The following SEC31A variants were observed in gnomAD, a reference collection of about 807,000 sequenced individuals.
The protein encoded by SEC31A is SEC31 homolog A, COPII component, also known as protein transport protein Sec31A.
SEC31A carries 70 observed loss-of-function variants against 151.0 expected under a neutral mutation model. That is an observed-to-expected ratio of 0.46 (90% CI 0.38 to 0.57). The LOEUF (loss-of-function observed/expected upper bound fraction) is 0.57. Among genes scored for constraint, SEC31A ranks in the 20% least tolerant of loss-of-function variants. The pLI is 0.00. For missense variants in SEC31A, 1,330 were observed against 1,471.2 expected (o/e 0.90, Z 1.57); for synonymous variants, 475 against 505.9 (o/e 0.94, Z 0.82).
At chr4:82,833,508 G>C (rs1372902647) in intron 22 of SEC31A, among the ~76,000 whole-genome samples, 3 of 144,824 alleles carry the variant, frequency 2.1e-5, no homozygotes, top group Non-Finnish European at 4.5e-5. Context: ...TAACAAAACT[G>C]CATGTAACCC....
chr4:82,863,861 A>T (rs1483193360), intron 11 of SEC31A, among the ~76,000 whole-genome samples: 1 of 152,154 alleles, frequency 6.6e-6, no homozygotes, highest in Non-Finnish European at 1.5e-5. Context: ...TTGAAAAACC[A>T]GTACCGTATA....
intron 8 of SEC31A, 116 bp downstream of exon 8, chr4:82,870,209 G>A (rs1439217016): frequency 1.5e-5 from 11 of 721,148 alleles, no homozygotes; most frequent in South Asian, 4.1e-5. Context: ...GCACACACAC[G>A]TCCACATACT....
chr4:82,820,767 T>C (rs1430025514), intron 26 of SEC31A, among the ~76,000 whole-genome samples: 1 of 152,216 alleles, frequency 6.6e-6, no homozygotes, highest in Non-Finnish European at 1.5e-5. Flanking sequence ...AGCTACCTTA[T>C]GGCCAACACA....
intron 1 of SEC31A, among the ~76,000 whole-genome samples, chr4:82,887,388 G>GAGAAAAGAAAAGAAAAGAAAAGAAA (rs58208029): frequency 6.6e-6 from 1 of 150,804 alleles, no homozygotes; most frequent in Non-Finnish European, 1.5e-5. Context: ...AGAAAACATT[G>GAGAAAAGAAAAGAAAAGAAAAGAAA]AGAAAAGAAA....
chr4:82,885,229 G>C (rs551358059), intron 1 of SEC31A, among the ~76,000 whole-genome samples: 107 of 152,202 alleles, frequency 7.0e-4, no homozygotes, highest in African/African-American at 2.5e-3. Flanking sequence ...TTTCACAGTA[G>C]GTTAGCTAAG....
At chr4:82,830,804 T>TA (rs942145937) in intron 22 of SEC31A, 9 of 230,568 alleles carry the variant, frequency 3.9e-5, no homozygotes, top group Non-Finnish European at 7.1e-5. Context: ...AGAAGCCAAA[T>TA]AAAAAAAATG....
At chr4:82,890,201 CAAAAAA>C (rs60372442) in intron 1 of SEC31A, among the ~76,000 whole-genome samples, 3 of 74,940 alleles carry the variant, frequency 4.0e-5, no homozygotes, top group African/African-American at 1.6e-4. Flanking sequence ...GACTCCGTCT[CAAAAAA>C]AAAAAAAAAA....
rs549689643 is a variant in SEC31A at position 82,819,312 on chromosome 4, C to T, written c.3484-59G>A. ...ATTAAGGGATAACTTCCCATGAGAT[C>T]CTCCATAAACATTAAACCCAGATAT... is the stretch of plus-strand genomic sequence containing the variant. On this transcript the variant is annotated intron_variant, in intron 26 of 26. Transcript: ENST00000395310. The T allele has an allele frequency of 2.6e-5, 33 of 1,254,052 alleles. No homozygotes were observed. In the African/African-American group the frequency reaches 4.4e-4, roughly 17 times the overall value. The allele number at this position is 1,254,052 out of a possible 1,614,324, so 77.7% of individuals were successfully genotyped here.
intron 1 of SEC31A, among the ~76,000 whole-genome samples, chr4:82,883,098 C>G (rs7678853): frequency 0.45 from 68,451 of 151,930 alleles, 18,099 homozygotes; most frequent in Admixed American, 0.6. Flanking sequence ...CCAGCCTGGG[C>G]AACAGAGCGA....
upstream of SEC31A, chr4:82,894,557 GAACT>G (rs1719981148): frequency 6.6e-6 from 1 of 152,306 alleles, no homozygotes; most frequent in Admixed American, 6.5e-5. Context: ...ATTACGCCAT[GAACT>G]AACTTTTTTC....
intron 11 of SEC31A, among the ~76,000 whole-genome samples, chr4:82,864,020 T>C (rs1209217798): frequency 1.3e-5 from 2 of 152,200 alleles, no homozygotes; most frequent in Non-Finnish European, 2.9e-5. Context: ...CTTAACTAGA[T>C]CTACTATAGA....
At chr4:82,856,551 G>C (rs377301987) in intron 16 of SEC31A, among the ~76,000 whole-genome samples, 2 of 148,896 alleles carry the variant, frequency 1.3e-5, no homozygotes, top group African/African-American at 4.9e-5. Context: ...AGGAGTTCGA[G>C]ACCAGCCTGA....
At chr4:82,872,230 C>CAGGCTG in intron 6 of SEC31A, 144 bp from the exon 7 acceptor site, 2 of 683,502 alleles carry the variant, frequency 2.9e-6, no homozygotes, top group Non-Finnish European at 5.0e-6. Context: ...TATTGTCAGC[C>CAGGCTG]AGGCTGGAGT....
chr4:82,876,901 T>C (rs1206828044), intron 4 of SEC31A, among the ~76,000 whole-genome samples: 1 of 152,210 alleles, frequency 6.6e-6, no homozygotes, highest in Non-Finnish European at 1.5e-5. Flanking sequence ...AGCTGTTCAA[T>C]ACAATTAACA....
chr4:82,827,922 T>A, intron 23 of SEC31A, among the ~76,000 whole-genome samples: 1 of 149,068 alleles, frequency 6.7e-6, no homozygotes, highest in Admixed American at 6.6e-5. Context: ...CCATGGCTTT[T>A]TTTTTTTTTT....
upstream of SEC31A, chr4:82,891,300 G>A: frequency 1.0e-6 from 1 of 973,100 alleles, no homozygotes; most frequent in Non-Finnish European, 1.5e-6. Flanking sequence ...CGGCACTTCC[G>A]GGACCGGCGG....
chr4:82,870,171 C>A (rs1001401767), intron 8 of SEC31A, among the ~76,000 whole-genome samples, 154 bp downstream of exon 8: 2 of 152,096 alleles, frequency 1.3e-5, no homozygotes, highest in African/African-American at 4.8e-5. Flanking sequence ...GATTATGTTC[C>A]TGATAAAATT....
chr4:82,883,022 A>C (rs1265623511), intron 1 of SEC31A, among the ~76,000 whole-genome samples: 1 of 152,212 alleles, frequency 6.6e-6, no homozygotes, highest in Non-Finnish European at 1.5e-5. Flanking sequence ...TGGGAGGCTG[A>C]AGCAGAAGAA....
At chr4:82,884,588 T>A (rs1217462014) in intron 1 of SEC31A, among the ~76,000 whole-genome samples, 3 of 152,200 alleles carry the variant, frequency 2.0e-5, no homozygotes, top group Non-Finnish European at 4.4e-5. Context: ...ACAATTTATA[T>A]GAGGGCTCAC....
Sources: allele counts gnomAD v4.1 joint callset (sites outside exome capture counted in the v4.1 genomes callset), GRCh38; gene constraint gnomAD v4.1.1; transcripts MANE v1.5; gene names NCBI Gene and HGNC (gene_info 2026-07-23, HGNC 2026-07-21).